The following STK32B variants were observed in gnomAD, a reference collection of about 807,000 sequenced individuals.
STK32B encodes the protein serine/threonine kinase 32B, also known as serine/threonine-protein kinase 32B.
Under a neutral mutation model 52.6 loss-of-function variants are expected in STK32B, and 43 were observed. That is an observed-to-expected ratio of 0.82 (90% CI 0.64 to 1.05). The LOEUF (loss-of-function observed/expected upper bound fraction) is 1.05. Ranked by LOEUF, STK32B falls within the 50% of genes least tolerant of loss-of-function variation. The pLI, the probability that STK32B is intolerant of heterozygous loss-of-function variation, is 0.00. For missense variants in STK32B, 621 were observed against 534.6 expected (o/e 1.16, Z -1.59); for synonymous variants, 238 against 204.3 (o/e 1.17, Z -1.41).
chr4:5,239,627 C>A (rs1195413821), intron 3 of STK32B, among the ~76,000 whole-genome samples: 1 of 152,070 alleles, frequency 6.6e-6, no homozygotes. Context: ...AAGGCTGAGC[C>A]ACAAGTGGTG....
At chr4:5,440,933 C>G (rs1577503144) in intron 6 of STK32B, among the ~76,000 whole-genome samples, 1 of 150,662 alleles carries the variant, frequency 6.6e-6, no homozygotes, top group Non-Finnish European at 1.5e-5. Flanking sequence ...ATTGAACCAG[C>G]CTTGCATCCC....
At chr4:5,438,498 C>A (rs1714341443) in intron 6 of STK32B, among the ~76,000 whole-genome samples, 1 of 152,172 alleles carries the variant, frequency 6.6e-6, no homozygotes, top group Non-Finnish European at 1.5e-5. Context: ...AGGAGGATGG[C>A]ATTTAGGAGG....
chr4:5,490,293 G>C (rs1386081289), intron 11 of STK32B, among the ~76,000 whole-genome samples: 1 of 152,006 alleles, frequency 6.6e-6, no homozygotes, highest in Non-Finnish European at 1.5e-5. Flanking sequence ...TTTTAGTAGA[G>C]ATGGGGTTTC....
At chr4:5,232,020 A>G (rs1724308698) in intron 3 of STK32B, among the ~76,000 whole-genome samples, 2 of 152,166 alleles carry the variant, frequency 1.3e-5, no homozygotes, top group Non-Finnish European at 2.9e-5. Flanking sequence ...GTCATGTGCC[A>G]GGGCTTGTGC....
intron 3 of STK32B, among the ~76,000 whole-genome samples, chr4:5,179,806 A>G (rs1720220138): frequency 6.6e-6 from 1 of 152,210 alleles, no homozygotes; most frequent in African/African-American, 2.4e-5. Flanking sequence ...CTGAGGGCTG[A>G]TGTTGGCCTT....
At chr4:5,444,767 C>T (rs1344062301) in intron 6 of STK32B, among the ~76,000 whole-genome samples, 1 of 152,136 alleles carries the variant, frequency 6.6e-6, no homozygotes, top group East Asian at 1.9e-4. Context: ...TCACAACAGC[C>T]CAATGAATAA....
At chr4:5,348,182 T>A (rs2089031) in intron 4 of STK32B, among the ~76,000 whole-genome samples, 22,337 of 152,024 alleles carry the variant, frequency 0.15, 2,272 homozygotes, top group African/African-American at 0.28. Context: ...GGGTCCAGAT[T>A]CCCACAACAG....
intron 3 of STK32B, among the ~76,000 whole-genome samples, chr4:5,330,402 T>C (rs1043437479): frequency 6.6e-6 from 1 of 152,222 alleles, no homozygotes; most frequent in African/African-American, 2.4e-5. Flanking sequence ...TTTTGTTAAA[T>C]GAATTTGGTA....
intron 3 of STK32B, among the ~76,000 whole-genome samples, chr4:5,319,444 C>G (rs1313027839): frequency 6.6e-6 from 1 of 152,208 alleles, no homozygotes; most frequent in Non-Finnish European, 1.5e-5. Flanking sequence ...CAAGGACTTT[C>G]TCCTGTTTCC....
chr4:5,425,981 C>T (rs988222277), intron 6 of STK32B, among the ~76,000 whole-genome samples: 1 of 152,172 alleles, frequency 6.6e-6, no homozygotes, highest in Non-Finnish European at 1.5e-5. Flanking sequence ...GATATACATA[C>T]ACGTGTTTAT....
chr4:5,316,206 A>G (rs1225194968), intron 3 of STK32B, among the ~76,000 whole-genome samples: 2 of 88,740 alleles, frequency 2.3e-5, no homozygotes, highest in African/African-American at 1.1e-4. Flanking sequence ...GATATATAAT[A>G]TATATTACAT....
chr4:5,176,534 C>T (rs1719916999), intron 3 of STK32B, among the ~76,000 whole-genome samples: 1 of 150,870 alleles, frequency 6.6e-6, no homozygotes, highest in South Asian at 2.1e-4. Context: ...ACCTCCACCT[C>T]CAAGGTTTAA....
chr4:5,081,830 T>C (rs1560141797), intron 1 of STK32B, among the ~76,000 whole-genome samples: 2 of 152,180 alleles, frequency 1.3e-5, no homozygotes, highest in Admixed American at 1.3e-4. Flanking sequence ...TCACTGAGCT[T>C]CTTTAAAAAC....
At chr4:5,120,779 C>T (rs1714981264) in intron 1 of STK32B, among the ~76,000 whole-genome samples, 1 of 151,738 alleles carries the variant, frequency 6.6e-6, no homozygotes, top group Non-Finnish European at 1.5e-5. Context: ...TTTTTCTAAG[C>T]ACTTTACATA....
intron 3 of STK32B, among the ~76,000 whole-genome samples, chr4:5,247,638 C>T (rs1725557682): frequency 6.6e-6 from 1 of 152,198 alleles, no homozygotes; most frequent in Admixed American, 6.5e-5. Flanking sequence ...GTTGGAAATG[C>T]AGAAATCACC....
chr4:5,243,673 G>A (rs1051445110), intron 3 of STK32B, among the ~76,000 whole-genome samples: 5 of 152,128 alleles, frequency 3.3e-5, no homozygotes, highest in Non-Finnish European at 7.4e-5. Flanking sequence ...CAAAGGGAAT[G>A]CTTCCAGTTT....
intron 4 of STK32B, among the ~76,000 whole-genome samples, chr4:5,391,963 T>C (rs567493979): frequency 6.6e-6 from 1 of 152,170 alleles, no homozygotes; most frequent in Non-Finnish European, 1.5e-5. Flanking sequence ...AAATCTGGAG[T>C]CTCGCACCAG....
intron 4 of STK32B, among the ~76,000 whole-genome samples, chr4:5,385,588 T>G (rs1285124276): frequency 3.3e-5 from 5 of 152,012 alleles, no homozygotes; most frequent in Admixed American, 2.0e-4. Context: ...TTTTATCACC[T>G]GGGAAATGAA....
At chr4:5,289,685 ATTTT>A in intron 3 of STK32B, among the ~76,000 whole-genome samples, 1 of 86,882 alleles carries the variant, frequency 1.2e-5, no homozygotes, top group Admixed American at 1.2e-4. Context: ...TGCCCGGCTA[ATTTT>A]TTTTTTTTTT....
Sources: allele counts gnomAD v4.1 joint callset (sites outside exome capture counted in the v4.1 genomes callset), GRCh38; gene constraint gnomAD v4.1.1; transcripts MANE v1.5; gene names NCBI Gene and HGNC (gene_info 2026-07-23, HGNC 2026-07-21).